CDK2: variants seen among roughly 807,000 people sequenced by gnomAD.
CDK2 encodes cyclin dependent kinase 2, also known as cyclin-dependent kinase 2.
In CDK2, 8 loss-of-function variants were observed where a neutral mutation model predicts 35.0. That is an observed-to-expected ratio of 0.23 (90% CI 0.13 to 0.41). CDK2 has a LOEUF of 0.41. Among genes scored for constraint, CDK2 ranks in the 10% least tolerant of loss-of-function variants. The pLI, the probability that CDK2 is intolerant of heterozygous loss-of-function variation, is 1.00. For synonymous variants in CDK2, 134 were observed against 137.7 expected, an observed-to-expected ratio of 0.97 and a Z score of 0.19; for missense variants, 201 against 367.1, an observed-to-expected ratio of 0.55 and a Z score of 3.70.
At chr12:55,968,476 T>A (rs989487037) in intron 3 of CDK2, among the ~76,000 whole-genome samples, 30 of 152,164 alleles carry the variant, frequency 2.0e-4, no homozygotes, top group Non-Finnish European at 2.9e-5. Flanking sequence ...TTCCATTTGG[T>A]GGAAGACCTA....
intron 5 of CDK2, chr12:55,970,580 C>G: frequency 1.4e-6 from 1 of 701,150 alleles, no homozygotes; most frequent in Middle Eastern, 2.3e-4. Context: ...CTCAATTCAT[C>G]AAAAAATATT....
At position 55,971,105 on chromosome 12, in the gene CDK2, G is replaced by A; in HGVS notation, c.650G>A (p.Arg217Gln). 1 of 1,614,020 alleles carries A rather than the reference G, an allele frequency of 6.2e-7. No individual in the cohort carries two copies. The highest frequency in any genetic ancestry group is 8.5e-7 in the Non-Finnish European group (1 of 1,180,006). Residue 217 changes from arginine (R) to glutamine (Q), a missense_variant, in exon 6 of 7, where the codon CGG becomes CAG. Coordinates refer to ENST00000266970, the MANE Select transcript of CDK2 (RefSeq NM_001798.5). The part of the protein sequence containing the change: ...SEIDQLFRIF[R>Q]TLGTPDEVVW... ...ATTGACCAGCTCTTCCGGATCTTTCGGACTCTGGGGACCCCAGATGAGGTG... is the reference window on the plus strand; with the variant it reads ...ATTGACCAGCTCTTCCGGATCTTTCAGACTCTGGGGACCCCAGATGAGGTG...
At chr12:55,969,850 G>A in intron 5 of CDK2, 1 of 271,348 alleles carries the variant, frequency 3.7e-6, no homozygotes, top group Non-Finnish European at 6.8e-6. Flanking sequence ...GCTGTAGTCT[G>A]CATATATTTG....
At position 55,967,008 on chromosome 12, in the gene CDK2, C is replaced by T; in HGVS notation, c.-1C>T. 6.2e-7 allele frequency: 1 copy of T among 1,609,976 alleles called. No individual in the cohort carries two copies. Among genetic ancestry groups the T allele is most frequent in the Non-Finnish European group, 8.5e-7 (1 of 1,177,784 alleles). ...GGGCTGACCCGACTCGCTGGCGCTT[C>T]ATGGAGAACTTCCAAAAGGTGGAAA... On this transcript the variant is annotated 5_prime_UTR_variant, in exon 1 of 7. Coordinates refer to ENST00000266970, the MANE Select transcript of CDK2 (RefSeq NM_001798.5).
At chr12:55,969,685 T>A in intron 5 of CDK2, 109 bp downstream of exon 5, 1 of 563,830 alleles carries the variant, frequency 1.8e-6, no homozygotes. Context: ...ATCACAGGGT[T>A]CTCTCTCTAA....
chr12:55,969,159 G>A lies in CDK2; in HGVS notation c.486+211G>A, dbSNP rs2069403. Among the ~76,000 whole-genome samples the A allele has an allele frequency of 4.5e-4, 68 of 152,174 alleles. 2 individuals are homozygous for A. The highest frequency in any genetic ancestry group is 1.5e-3 in the African/African-American group (64 of 41,502). On this transcript the variant is annotated intron_variant, in intron 4 of 6. Transcript: ENST00000266970. ...TACCAATACTTTGGGAGGCTGAGGTGGGAGGATCACTTGAGCCCAGGAGTT... is the reference window on the plus strand; with the variant it reads ...TACCAATACTTTGGGAGGCTGAGGTAGGAGGATCACTTGAGCCCAGGAGTT...
chr12:55,971,216 C>A lies in CDK2; in HGVS notation c.761C>A (p.Pro254His). ...ARQDFSKVVP[P>H]LDEDGRSLLS... ...CAAGATTTTAGTAAAGTTGTACCTCCCCTGGATGAAGATGGACGGAGCTTG... is the reference window on the plus strand; with the variant it reads ...CAAGATTTTAGTAAAGTTGTACCTCACCTGGATGAAGATGGACGGAGCTTG... The change falls in exon 6 of 7, where the codon CCC (proline) becomes CAC (histidine). Residue 254 changes from proline to histidine, a missense_variant. Pro to His is a moderately conservative substitution (Grantham distance 77). Transcript: ENST00000266970. 1.9e-6 allele frequency: 3 copies of A among 1,614,090 alleles called. No homozygotes were observed. The highest frequency in any genetic ancestry group is 2.5e-6 in the Non-Finnish European group (3 of 1,180,018).
At chr12:55,971,015 C>T (rs1192199178) in intron 5 of CDK2, 29 bp from the exon 6 acceptor site, 1 of 1,598,132 alleles carries the variant, frequency 6.3e-7, no homozygotes, top group Non-Finnish European at 8.6e-7. Flanking sequence ...CAACGTGGGT[C>T]TTGGTATTTC....
At position 55,971,125 on chromosome 12, in the gene CDK2, G is replaced by C. The variant is rs1374511962; in HGVS notation, c.670G>C (p.Glu224Gln). 1 of 1,614,034 alleles carries C rather than the reference G, an allele frequency of 6.2e-7. No homozygotes were observed. Among genetic ancestry groups the C allele is most frequent in the African/African-American group, 1.3e-5 (1 of 74,892 alleles). ...CTTTCGGACTCTGGGGACCCCAGAT[G>C]AGGTGGTGTGGCCAGGAGTTACTTC... Reference protein sequence around the residue: ...RIFRTLGTPDEVVWPGVTSMP... With the variant: ...RIFRTLGTPDQVVWPGVTSMP... Residue 224 changes from glutamate (E) to glutamine (Q), a missense_variant, in exon 6 of 7, where the codon GAG becomes CAG. Physicochemically the swap from Glu to Gln is conservative, Grantham distance 29. Around this residue, in one of 5 missense-constraint regions of CDK2, gnomAD observed 106 missense variants for 141.3 expected, o/e 0.75. Transcript: ENST00000266970.
Position 55,966,830 on chromosome 12 carries a change from A to T in CDK2, c.-179A>T, listed in dbSNP as rs1401096396. The T allele has an allele frequency of 1.1e-6, 1 of 899,366 alleles. No homozygotes were observed. The highest frequency in any genetic ancestry group is 1.7e-5 in the African/African-American group (1 of 58,770). 55.7% of individuals were successfully genotyped at this position (899,366 alleles called of 1,614,324 possible). ...CGGGAACTCGGTGGGAGGCGGCAAC[A>T]TTGTTTCAAGTTGGCCAAATTGACA... On this transcript the variant is annotated 5_prime_UTR_variant, in exon 1 of 7. Transcript: ENST00000266970.
chr12:55,970,677 GCTCGTAT>G (rs757830020), intron 5 of CDK2: 1 of 702,340 alleles, frequency 1.4e-6, no homozygotes, highest in Non-Finnish European at 2.6e-6. Context: ...TGCCCGCTGT[GCTCGTAT>G]CTAGAAGTGG....
rs780291497 is a variant in CDK2, at chr12:55,971,003, G to A, written c.589-41G>A. The A allele has an allele frequency of 3.7e-5, 58 of 1,569,048 alleles. 1 individual carries two copies. Among genetic ancestry groups the A allele is most frequent in the African/African-American group, 9.5e-5 (7 of 73,934 alleles). On this transcript the variant is annotated intron_variant, in intron 5 of 6. Coordinates refer to ENST00000266970, the MANE Select transcript of CDK2 (RefSeq NM_001798.5). ...TGTATAGAGGAGAGTTTTGACTGAC[G>A]TCAACGTGGGTCTTGGTATTTCCTC...
intron 5 of CDK2, 54 bp downstream of exon 5, chr12:55,969,630 C>T (rs1368551743): frequency 1.0e-6 from 1 of 995,524 alleles, no homozygotes; most frequent in Non-Finnish European, 1.6e-6. Flanking sequence ...TCCCCACATC[C>T]AAGAACAACA....
rs1330796815 is a variant in CDK2 at position 55,971,171 on chromosome 12, G to T, written c.716G>T (p.Ser239Ile). 3 of 1,614,138 alleles carry T rather than the reference G, an allele frequency of 1.9e-6. No homozygotes were observed. The highest frequency in any genetic ancestry group is 2.5e-6 in the Non-Finnish European group (3 of 1,180,034). The change falls in exon 6 of 7, where the codon AGT becomes ATT. Residue 239 changes from serine to isoleucine, a missense_variant. By Grantham distance (142) the Ser-to-Ile change is moderately radical. Coordinates refer to ENST00000266970, the MANE Select transcript of CDK2 (RefSeq NM_001798.5). The stretch of plus-strand genomic sequence containing the variant: ...ACTTCTATGCCTGATTACAAGCCAA[G>T]TTTCCCCAAGTGGGCCCGGCAAGAT... The part of the protein sequence containing the change: ...GVTSMPDYKP[S>I]FPKWARQDFS...
intron 3 of CDK2, 30 bp downstream of exon 3, chr12:55,968,199 T>C: frequency 6.2e-7 from 1 of 1,612,268 alleles, no homozygotes; most frequent in African/African-American, 1.3e-5. Flanking sequence ...CCTCTCATCA[T>C]GGGCATGTCT....
At position 55,966,951 on chromosome 12, in the gene CDK2, C is replaced by T. The variant is rs1889330965; in HGVS notation, c.-58C>T. On this transcript the variant is annotated 5_prime_UTR_variant, in exon 1 of 7. Transcript: ENST00000266970. ...GCCCCCGAGAGCCAGGGTCCGCCTT[C>T]TGCAGGGTTCCCAGGCCCCCGCTCC... 7.2e-7 allele frequency: 1 copy of T among 1,383,358 alleles called. No individual in the cohort carries two copies. Among genetic ancestry groups the T allele is most frequent in the African/African-American group, 1.4e-5 (1 of 70,226 alleles). The allele number at this position is 1,383,358 out of a possible 1,614,324, so 85.7% of individuals were successfully genotyped here.
At position 55,971,171 on chromosome 12, in the gene CDK2, G is replaced by C; in HGVS notation, c.716G>C (p.Ser239Thr). 6.2e-7 allele frequency: 1 copy of C among 1,614,138 alleles called. No individual in the cohort carries two copies. The highest frequency in any genetic ancestry group is 8.5e-7 in the Non-Finnish European group (1 of 1,180,034). Reference protein sequence around the residue: ...GVTSMPDYKPSFPKWARQDFS... With the variant: ...GVTSMPDYKPTFPKWARQDFS... ...ACTTCTATGCCTGATTACAAGCCAAGTTTCCCCAAGTGGGCCCGGCAAGAT... is the reference window on the plus strand; with the variant it reads ...ACTTCTATGCCTGATTACAAGCCAACTTTCCCCAAGTGGGCCCGGCAAGAT... The change falls in exon 6 of 7, where the codon AGT becomes ACT. Residue 239 changes from serine to threonine, a missense_variant. Physicochemically the swap from Ser to Thr is moderately conservative, Grantham distance 58. Coordinates refer to ENST00000266970, the MANE Select transcript of CDK2 (RefSeq NM_001798.5).
In CDK2 at chr12:55,971,646, G is replaced by T. The variant is rs199608364; in HGVS notation, c.*21G>T. Reference sequence around the variant, plus strand: ...TCTGATAGCCTTCTTGAAGCCCCCAGCCCTAATCTCACCCTCTCCTCCAGT... The same window carrying T: ...TCTGATAGCCTTCTTGAAGCCCCCATCCCTAATCTCACCCTCTCCTCCAGT... On this transcript the variant is annotated 3_prime_UTR_variant, in exon 7 of 7. Transcript: ENST00000266970. 2.5e-5 allele frequency: 38 copies of T among 1,547,592 alleles called. No individual in the cohort carries two copies. The African/African-American group carries it at 4.8e-4, about 19-fold the overall frequency.
chr12:55,969,573 G>A lies in CDK2; in HGVS notation c.585G>A (p.Glu195=), dbSNP rs2069406. The part of the protein sequence containing the change: ...DIWSLGCIFA[E]MVTRRALFPG... ...GGAGCCTGGGCTGCATCTTTGCTGA[G>A]ATGGTATGGAGGCTTGCCCAAGTTC... Residue 195 remains glutamate (E), a synonymous_variant, in exon 5 of 7, where the codon GAG becomes GAA. Coordinates refer to ENST00000266970, the MANE Select transcript of CDK2 (RefSeq NM_001798.5). 6.9e-3 allele frequency: 11,006 copies of A among 1,595,882 alleles called. 640 individuals are homozygous for A. The African/African-American group carries it at 0.13, about 19-fold the overall frequency.
Sources: gnomAD v4.1 joint callset for allele counts (sites outside exome capture counted in the v4.1 genomes callset) on GRCh38, gnomAD v4.1.1 for gene constraint, gnomAD v4.1.1 regional missense constraint, MANE v1.5 for transcripts, NCBI Gene and HGNC (gene_info 2026-07-23, HGNC 2026-07-21) for gene names.